EXOC1: variants seen among roughly 807,000 people sequenced by gnomAD.
EXOC1 encodes SEC3-like 1.
Under a neutral mutation model 107.7 loss-of-function variants are expected in EXOC1, and 67 were observed. The ratio of observed to expected loss-of-function variants is 0.62; its 90% confidence interval spans 0.51 to 0.76. The LOEUF (loss-of-function observed/expected upper bound fraction) is 0.76, where lower values mean the gene tolerates loss of function less well. EXOC1 is among the 30% of genes least tolerant of loss of function. The pLI is 0.00. For synonymous variants in EXOC1, 348 were observed against 353.5 expected, an observed-to-expected ratio of 0.98 and a Z score of 0.17; for missense variants, 833 against 1,055.7, an observed-to-expected ratio of 0.79 and a Z score of 2.92.
At position 55,899,879 on chromosome 4, in the gene EXOC1, C is replaced by T; in HGVS notation, c.2332C>T (p.Leu778=). ...IYSLGQPLEK[L]NHFFEGVEAR... ...CTCTTTAGGACAACCTCTTGAAAAA[C>T]TAAATGTAAATATATTTTCATTCAG... Residue 778 remains leucine (L), a synonymous_variant, in exon 17 of 19, where the codon CTA becomes TTA. Transcript: ENST00000381295. 1.9e-6 allele frequency: 3 copies of T among 1,602,516 alleles called. No individual in the cohort carries two copies. In the South Asian group the frequency reaches 3.4e-5, roughly 18 times the overall value.
At chr4:55,879,374 C>T (rs1020015977) in intron 9 of EXOC1, among the ~76,000 whole-genome samples, 1 of 152,174 alleles carries the variant, frequency 6.6e-6, no homozygotes, top group African/African-American at 2.4e-5. Context: ...TTTCCAGGCA[C>T]AGTGCAAGTG....
intron 2 of EXOC1, 41 bp from the exon 3 acceptor site, chr4:55,860,370 G>A (rs962586178): frequency 1.6e-5 from 25 of 1,608,002 alleles, no homozygotes; most frequent in Non-Finnish European, 2.0e-5. Flanking sequence ...ATGAGTGAAA[G>A]GGGTAATATT....
At chr4:55,863,115 G>T (rs1721629523) in intron 3 of EXOC1, among the ~76,000 whole-genome samples, 2 of 152,062 alleles carry the variant, frequency 1.3e-5, no homozygotes, top group Non-Finnish European at 2.9e-5. Context: ...GCCCAGGCCA[G>T]TCTCAAATTC....
At chr4:55,875,463 TAAA>T in intron 8 of EXOC1, 2 of 982,854 alleles carry the variant, frequency 2.0e-6, no homozygotes, top group Non-Finnish European at 2.4e-6. Context: ...ATCATTTCTT[TAAA>T]AAAGTCACTA....
At chr4:55,877,866 C>T (rs772715947) in intron 8 of EXOC1, 51 bp from the exon 9 acceptor site, 14 of 1,597,632 alleles carry the variant, frequency 8.8e-6, no homozygotes, top group South Asian at 3.4e-5. Flanking sequence ...TTTATTGTAA[C>T]GTTTCTTTGT....
intron 3 of EXOC1, among the ~76,000 whole-genome samples, chr4:55,862,405 A>G (rs995708322): frequency 5.3e-5 from 8 of 152,022 alleles, no homozygotes; most frequent in Non-Finnish European, 1.0e-4. Flanking sequence ...ATAACTTAAC[A>G]TTAGCCATTT....
intron 9 of EXOC1, among the ~76,000 whole-genome samples, chr4:55,878,769 C>A (rs893089460): frequency 6.6e-6 from 1 of 151,984 alleles, no homozygotes; most frequent in African/African-American, 2.4e-5. Context: ...ACACGCTTGT[C>A]CTAGAACAAT....
At position 55,864,214 on chromosome 4, in the gene EXOC1, AT is replaced by A; in HGVS notation, c.256-8del. 1 of 1,465,742 alleles carries A rather than the reference AT, an allele frequency of 6.8e-7. No homozygotes were observed. 90.8% of individuals were successfully genotyped at this position (1,465,742 alleles called of 1,614,324 possible). ...TGATCAAAAATAATATCTTTTGTATATTTTTATTTTAGGAAAATCCTGAATT... is the reference window on the plus strand; with the variant it reads ...TGATCAAAAATAATATCTTTTGTATATTTTATTTTAGGAAAATCCTGAATT... On this transcript the variant is annotated splice_polypyrimidine_tract_variant and intron_variant, in intron 3 of 18. Transcript: ENST00000381295.
At chr4:55,900,121 G>C (rs542147396) in intron 17 of EXOC1, among the ~76,000 whole-genome samples, 1 of 151,986 alleles carries the variant, frequency 6.6e-6, no homozygotes, top group Non-Finnish European at 1.5e-5. Context: ...AATTGTACTA[G>C]TATTCTATTA....
At chr4:55,890,811 C>A (rs1195886266) in intron 12 of EXOC1, among the ~76,000 whole-genome samples, 1 of 152,186 alleles carries the variant, frequency 6.6e-6, no homozygotes, top group Non-Finnish European at 1.5e-5. Flanking sequence ...CTCACTGCAA[C>A]CTCCACCTTC....
Position 55,857,168 on chromosome 4 carries a change from C to CTTTTT in EXOC1, c.-10-1123_-10-1119dup, listed in dbSNP as rs71192052. Among the ~76,000 whole-genome samples, 39 of 65,740 alleles carry CTTTTT rather than the reference C, an allele frequency of 5.9e-4. 2 individuals carry two copies. The highest frequency in any genetic ancestry group is 8.6e-4 in the Non-Finnish European group (32 of 37,060). The allele number at this position is 65,740 out of a possible 152,430, so 43.1% of individuals were successfully genotyped here. Reference sequence around the variant, plus strand: ...TTTCATTACTTCATTTCCTTTTTTTCTTTTTTTTTTTTTTTTTTTTTTTTT... The same window carrying CTTTTT: ...TTTCATTACTTCATTTCCTTTTTTTCTTTTTTTTTTTTTTTTTTTTTTTTTTTTTT... On this transcript the variant is annotated intron_variant, in intron 1 of 18. Transcript: ENST00000381295.
chr4:55,902,974 C>G (rs1216833117), intron 18 of EXOC1, among the ~76,000 whole-genome samples: 2 of 151,478 alleles, frequency 1.3e-5, no homozygotes, highest in African/African-American at 2.4e-5. Context: ...AAGACCTTGT[C>G]TCTACTAAAA....
intron 4 of EXOC1, among the ~76,000 whole-genome samples, chr4:55,865,433 T>G (rs1424324829): frequency 1.3e-5 from 2 of 152,212 alleles, no homozygotes; most frequent in Non-Finnish European, 2.9e-5. Context: ...GCTGGTCTTA[T>G]GTAGGAATCC....
In EXOC1 at chr4:55,893,742, G is replaced by A. The variant is rs1724853574; in HGVS notation, c.1915G>A (p.Val639Ile). ...TTTCCTAAGTACTACATTGGGAAAT[G>A]TTTTGGTGACTGTCAAAAGGAACTT... ...ASFLSTTLGNVLVTVKRNFDK... is the reference protein window; with the variant it reads ...ASFLSTTLGNILVTVKRNFDK... Residue 639 changes from valine (V) to isoleucine (I), a missense_variant, in exon 15 of 19, where the codon GTT becomes ATT. This residue lies in a region of EXOC1 where 216 missense variants were observed against 354.4 expected (regional missense o/e 0.61). Coordinates refer to ENST00000381295, the MANE Select transcript of EXOC1 (RefSeq NM_001024924.2). 4.3e-6 allele frequency: 7 copies of A among 1,613,872 alleles called. No homozygotes were observed. Among genetic ancestry groups the A allele is most frequent in the Non-Finnish European group, 5.9e-6 (7 of 1,179,968 alleles).
intron 2 of EXOC1, among the ~76,000 whole-genome samples, chr4:55,860,126 A>G (rs1469209384): frequency 6.6e-6 from 1 of 152,230 alleles, no homozygotes; most frequent in Non-Finnish European, 1.5e-5. Context: ...ACTTATGTCA[A>G]TCATTCTTTA....
intron 8 of EXOC1, chr4:55,876,222 C>G (rs1722883459): frequency 1.0e-6 from 1 of 985,192 alleles, no homozygotes. Context: ...TTCCATTCTT[C>G]AACACTTTAG....
rs1364598626 is a variant in EXOC1 at position 55,860,513 on chromosome 4, C to G, written c.227C>G (p.Ala76Gly). 6.2e-7 allele frequency: 1 copy of G among 1,614,002 alleles called. No homozygotes were observed. The highest frequency in any genetic ancestry group is 2.2e-5 in the East Asian group (1 of 44,870). The change falls in exon 3 of 19, where the codon GCT becomes GGT. Residue 76 changes from alanine to glycine, a missense_variant. Coordinates refer to ENST00000381295, the MANE Select transcript of EXOC1 (RefSeq NM_001024924.2). The part of the protein sequence containing the change: ...RQIAWALRDL[A>G]VVDAKDAIKE... ...ATTGCATGGGCCCTTCGAGATCTTG[C>G]TGTGGTAGATGCCAAAGATGCTATC...
intron 4 of EXOC1, among the ~76,000 whole-genome samples, chr4:55,867,747 T>C (rs915911865): frequency 7.9e-5 from 12 of 152,206 alleles, no homozygotes; most frequent in African/African-American, 2.9e-4. Flanking sequence ...TATCAATGCA[T>C]GTGAAATTTT....
intron 4 of EXOC1, 111 bp from the exon 5 acceptor site, chr4:55,868,225 T>C: frequency 1.3e-6 from 1 of 742,878 alleles, no homozygotes; most frequent in Non-Finnish European, 1.9e-6. Flanking sequence ...CTATCCTCTT[T>C]TTCAGCTGCT....
Sources: allele counts gnomAD v4.1 joint callset (sites outside exome capture counted in the v4.1 genomes callset), GRCh38; gene constraint gnomAD v4.1.1; regional missense constraint gnomAD v4.1.1; transcripts MANE v1.5; gene names NCBI Gene and HGNC (gene_info 2026-07-23, HGNC 2026-07-21).